FAM168A: variants seen among roughly 807,000 people sequenced by gnomAD.
FAM168A encodes protein FAM168A.
Under a neutral mutation model 28.5 loss-of-function variants are expected in FAM168A, and 3 were observed. The ratio of observed to expected loss-of-function variants is 0.11; its 90% CI spans 0.05 to 0.27. The LOEUF is 0.27. FAM168A is among the 10% of genes least tolerant of loss of function. The pLI is 1.00. For synonymous variants in FAM168A, 122 were observed against 124.2 expected (o/e 0.98, Z 0.12); for missense variants, 222 against 311.5 (o/e 0.71, Z 2.16).
At position 73,496,775 on chromosome 11, in the gene FAM168A, T is replaced by C. The variant is rs184618916; in HGVS notation, c.-18-28283A>G. Among the ~76,000 whole-genome samples the C allele has an allele frequency of 3.0e-3, 455 of 152,130 alleles. 19 individuals are homozygous for C. In the East Asian group the frequency reaches 0.077, roughly 26 times the overall value. On this transcript the variant is annotated intron_variant, in intron 1 of 7. Coordinates refer to ENST00000356467, the MANE Select transcript of FAM168A (RefSeq NM_015159.3). The stretch of plus-strand genomic sequence containing the variant: ...CGGGGTTTCACCGTGTTAGCCAGGA[T>C]GGTCTTGATCTCCTGACCTCGTGAT...
intron 1 of FAM168A, among the ~76,000 whole-genome samples, chr11:73,549,275 C>T (rs182575646): frequency 1.4e-3 from 212 of 152,308 alleles, no homozygotes; most frequent in Non-Finnish European, 2.1e-3. Flanking sequence ...ACCTACTACA[C>T]TTAATTGTAC....
chr11:73,417,702 G>C (rs1175708309), intron 4 of FAM168A, among the ~76,000 whole-genome samples: 1 of 151,928 alleles, frequency 6.6e-6, no homozygotes, highest in Non-Finnish European at 1.5e-5. Context: ...TGGGACTACA[G>C]GCACCCGCCA....
chr11:73,494,275 G>C (rs1462363141), intron 1 of FAM168A, among the ~76,000 whole-genome samples: 1 of 152,152 alleles, frequency 6.6e-6, no homozygotes, highest in Non-Finnish European at 1.5e-5. Context: ...CAAAGTCACA[G>C]AGCAGGTCAC....
intron 1 of FAM168A, among the ~76,000 whole-genome samples, chr11:73,570,311 G>A (rs1169341392): frequency 6.6e-6 from 1 of 151,956 alleles, no homozygotes; most frequent in Non-Finnish European, 1.5e-5. Flanking sequence ...GCACAAACCC[G>A]GCATAAAACA....
intron 1 of FAM168A, among the ~76,000 whole-genome samples, chr11:73,540,688 T>C (rs1404531256): frequency 6.6e-6 from 1 of 152,240 alleles, no homozygotes; most frequent in Non-Finnish European, 1.5e-5. Flanking sequence ...CAGAGAGGCT[T>C]TTCTTGATCA....
chr11:73,424,671 G>A (rs1018325522), intron 3 of FAM168A, among the ~76,000 whole-genome samples: 1 of 152,170 alleles, frequency 6.6e-6, no homozygotes, highest in Non-Finnish European at 1.5e-5. Context: ...GCATAATCCA[G>A]GTACTCCTTC....
intron 1 of FAM168A, among the ~76,000 whole-genome samples, chr11:73,480,396 CT>C (rs909001692): frequency 3.3e-4 from 43 of 129,580 alleles, no homozygotes; most frequent in Admixed American, 6.7e-4. Context: ...CTCTCTCTCT[CT>C]TTTTTTTTTT....
chr11:73,518,820 C>T (rs1173694458), intron 1 of FAM168A, among the ~76,000 whole-genome samples: 1 of 152,092 alleles, frequency 6.6e-6, no homozygotes, highest in East Asian at 1.9e-4. Flanking sequence ...TTGCTTGAAC[C>T]CGGGAGGCAG....
At chr11:73,572,146 G>A (rs1274770324) in intron 1 of FAM168A, among the ~76,000 whole-genome samples, 3 of 150,896 alleles carry the variant, frequency 2.0e-5, no homozygotes, top group Admixed American at 6.6e-5. Context: ...CAGCCACCCC[G>A]TCCGGGAGGG....
At chr11:73,530,950 A>G (rs1943507709) in intron 1 of FAM168A, among the ~76,000 whole-genome samples, 1 of 152,200 alleles carries the variant, frequency 6.6e-6, no homozygotes, top group Non-Finnish European at 1.5e-5. Flanking sequence ...ACATGTAGCA[A>G]ACACCTATTC....
intron 3 of FAM168A, among the ~76,000 whole-genome samples, chr11:73,423,781 C>T (rs1866838059): frequency 6.6e-6 from 1 of 152,214 alleles, no homozygotes; most frequent in South Asian, 2.1e-4. Flanking sequence ...CTTCTCTCCA[C>T]TAAACTGTGA....
intron 1 of FAM168A, among the ~76,000 whole-genome samples, chr11:73,521,214 C>G (rs970725520): frequency 6.6e-6 from 1 of 152,190 alleles, no homozygotes; most frequent in Non-Finnish European, 1.5e-5. Flanking sequence ...TGCCACAGTC[C>G]TTTCCAGTTA....
chr11:73,429,779 T>C (rs917760816), intron 3 of FAM168A, among the ~76,000 whole-genome samples: 3 of 152,254 alleles, frequency 2.0e-5, no homozygotes, highest in Non-Finnish European at 2.9e-5. Flanking sequence ...TGAGTTTATA[T>C]GCCAGGCTCC....
chr11:73,547,919 C>A (rs943166148), intron 1 of FAM168A, among the ~76,000 whole-genome samples: 3 of 151,556 alleles, frequency 2.0e-5, no homozygotes, highest in African/African-American at 7.3e-5. Context: ...GAAGGAAATC[C>A]TTTCACATGC....
chr11:73,402,299 C>T lies in FAM168A; in HGVS notation c.*4464G>A, dbSNP rs1033909904. ...GGGCCCACCCCCTCTGGGCACAGAA[C>T]AAAGCTGAGGAATTTGATATGGAAG... is the stretch of plus-strand genomic sequence containing the variant. On this transcript the variant is annotated 3_prime_UTR_variant, in exon 8 of 8. Transcript: ENST00000356467. 7 of 152,224 alleles carry T rather than the reference C, an allele frequency of 4.6e-5. No individual in the cohort carries two copies. Among genetic ancestry groups the T allele is most frequent in the African/African-American group, 1.7e-4 (7 of 41,450 alleles). The allele number at this position is 152,224 out of a possible 1,614,324, so 9.4% of individuals were successfully genotyped here. A position where few individuals can be genotyped will look rare whatever the true frequency, so the allele number is the denominator to read the frequency against.
chr11:73,531,906 G>A (rs1220759947), intron 1 of FAM168A, among the ~76,000 whole-genome samples: 1 of 147,190 alleles, frequency 6.8e-6, no homozygotes, highest in Admixed American at 6.8e-5. Flanking sequence ...CCAGGTTTAA[G>A]TGATCCTCCC....
intron 1 of FAM168A, among the ~76,000 whole-genome samples, chr11:73,494,206 ATCATTTAATTTAAGCCCT>A (rs1466727717): frequency 6.6e-6 from 1 of 152,168 alleles, no homozygotes; most frequent in African/African-American, 2.4e-5. Context: ...GACCTCAAAG[ATCATTTAATTTAAGCCCT>A]TCATTTTGCA....
At chr11:73,565,550 T>TTA (rs772263659) in intron 1 of FAM168A, among the ~76,000 whole-genome samples, 1 of 148,274 alleles carries the variant, frequency 6.7e-6, no homozygotes, top group African/African-American at 2.7e-5. Flanking sequence ...ATGGGAAACA[T>TTA]TATAATACCT....
At chr11:73,563,415 C>T (rs77867073) in intron 1 of FAM168A, among the ~76,000 whole-genome samples, 105 of 152,298 alleles carry the variant, frequency 6.9e-4, no homozygotes, top group African/African-American at 2.5e-3. Flanking sequence ...GCCCAATAAA[C>T]GTATGCAATA....
Sources: gnomAD v4.1 joint callset for allele counts (sites outside exome capture counted in the v4.1 genomes callset) on GRCh38, gnomAD v4.1.1 for gene constraint, MANE v1.5 for transcripts, NCBI Gene and HGNC (gene_info 2026-07-23, HGNC 2026-07-21) for gene names.